The following KCNT2 variants were observed in gnomAD, a reference collection of about 807,000 sequenced individuals.
KCNT2 encodes the protein potassium sodium-activated channel subfamily T member 2, also known as potassium channel subfamily T member 2.
Under a neutral mutation model 153.8 loss-of-function variants are expected in KCNT2, and 67 were observed. That is an observed-to-expected ratio of 0.44 (90% CI 0.36 to 0.53). KCNT2 has a LOEUF of 0.53. Ranked by LOEUF, KCNT2 falls within the 20% of genes least tolerant of loss-of-function variation. KCNT2 has a pLI of 0.00. For synonymous variants in KCNT2, 500 were observed against 458.8 expected (o/e 1.09, Z -1.15); for missense variants, 975 against 1,354.8 (o/e 0.72, Z 4.40).
intron 26 of KCNT2, among the ~76,000 whole-genome samples, chr1:196,250,117 G>T (rs1216696764): frequency 6.6e-6 from 1 of 151,756 alleles, no homozygotes; most frequent in Non-Finnish European, 1.5e-5. Context: ...AATTTATATG[G>T]TACCACAAAG....
chr1:196,603,877 CAGG>C (rs1289726907), intron 1 of KCNT2, among the ~76,000 whole-genome samples: 2 of 152,180 alleles, frequency 1.3e-5, no homozygotes, highest in African/African-American at 4.8e-5. Context: ...CATGATGAAA[CAGG>C]AGAAGACTTG....
intron 1 of KCNT2, among the ~76,000 whole-genome samples, chr1:196,565,695 G>A (rs962824624): frequency 2.6e-5 from 4 of 151,376 alleles, no homozygotes; most frequent in African/African-American, 4.8e-5. Context: ...AGGACATGAT[G>A]TTAAGTGAAA....
chr1:196,414,156 CTAATAT>C (rs1341415536), intron 12 of KCNT2, among the ~76,000 whole-genome samples: 1 of 151,044 alleles, frequency 6.6e-6, no homozygotes, highest in African/African-American at 2.4e-5. Context: ...AAAGTTATGC[CTAATAT>C]TAACAATTCA....
chr1:196,282,130 A>G (rs1659169257), intron 24 of KCNT2, 143 bp downstream of exon 24: 1 of 477,374 alleles, frequency 2.1e-6, no homozygotes, highest in Non-Finnish European at 3.8e-6. Context: ...GAAATTTTTA[A>G]AGGAATTTTA....
rs1028575375 is a variant in KCNT2, at chr1:196,241,896, T to C, written c.3212-5826A>G. Among the ~76,000 whole-genome samples, 31 of 152,234 alleles carry C rather than the reference T, an allele frequency of 2.0e-4. 1 individual carries two copies. Among genetic ancestry groups the C allele is most frequent in the Middle Eastern group, 3.4e-3 (1 of 292 alleles). ...TTTCTTTTAAAAACCTATGTTACGT[T>C]TCATAAATGTTGAAAAACAAAAACC... On this transcript the variant is annotated intron_variant, in intron 26 of 27. Coordinates refer to ENST00000294725, the MANE Select transcript of KCNT2 (RefSeq NM_198503.5).
intron 1 of KCNT2, among the ~76,000 whole-genome samples, chr1:196,520,215 A>G (rs528704217): frequency 6.6e-6 from 1 of 152,284 alleles, no homozygotes; most frequent in East Asian, 1.9e-4. Context: ...CCACATGATC[A>G]TCTCAATAGA....
chr1:196,468,477 T>C (rs1457435192), intron 6 of KCNT2, among the ~76,000 whole-genome samples: 1 of 152,088 alleles, frequency 6.6e-6, no homozygotes, highest in Non-Finnish European at 1.5e-5. Flanking sequence ...TTTATGGGAC[T>C]GTAGTTGAAT....
chr1:196,385,699 A>G (rs1409234300), intron 13 of KCNT2, among the ~76,000 whole-genome samples: 2 of 151,842 alleles, frequency 1.3e-5, no homozygotes, highest in African/African-American at 4.8e-5. Flanking sequence ...AAAAGCACAC[A>G]TTCTGGAGAC....
At chr1:196,417,416 C>T (rs1478491239) in intron 12 of KCNT2, among the ~76,000 whole-genome samples, 1 of 152,048 alleles carries the variant, frequency 6.6e-6, no homozygotes, top group East Asian at 1.9e-4. Context: ...TCCAAAAAGA[C>T]AAGTTCCATA....
At chr1:196,266,604 T>C (rs1365358468) in intron 25 of KCNT2, among the ~76,000 whole-genome samples, 2 of 152,294 alleles carry the variant, frequency 1.3e-5, no homozygotes, top group Admixed American at 1.3e-4. Context: ...TCAATATAAG[T>C]AGTTAATAAG....
At chr1:196,577,552 C>T (rs1004348134) in intron 1 of KCNT2, among the ~76,000 whole-genome samples, 3 of 152,164 alleles carry the variant, frequency 2.0e-5, no homozygotes, top group Non-Finnish European at 4.4e-5. Flanking sequence ...ACTCAGCTGA[C>T]CCTTGATTAA....
At chr1:196,461,749 C>T (rs1232993411) in intron 8 of KCNT2, among the ~76,000 whole-genome samples, 2 of 151,562 alleles carry the variant, frequency 1.3e-5, no homozygotes, top group Admixed American at 6.6e-5. Flanking sequence ...ACAGATTAGT[C>T]CAATTCCATT....
chr1:196,407,555 G>A (rs191685760), intron 12 of KCNT2, among the ~76,000 whole-genome samples: 2 of 151,418 alleles, frequency 1.3e-5, no homozygotes, highest in East Asian at 3.9e-4. Context: ...CATTTCATTA[G>A]GGAATGACAT....
At chr1:196,322,398 T>G (rs1663410664) in intron 19 of KCNT2, among the ~76,000 whole-genome samples, 1 of 151,154 alleles carries the variant, frequency 6.6e-6, no homozygotes, top group African/African-American at 2.4e-5. Flanking sequence ...TATACATGAA[T>G]CGAAACAAAA....
intron 25 of KCNT2, among the ~76,000 whole-genome samples, chr1:196,265,113 A>C (rs749694617): frequency 2.6e-5 from 4 of 152,142 alleles, no homozygotes; most frequent in Non-Finnish European, 5.9e-5. Flanking sequence ...TCTCAACAGG[A>C]CTGGATTTGG....
chr1:196,579,280 A>G (rs1661736397), intron 1 of KCNT2, among the ~76,000 whole-genome samples: 1 of 152,108 alleles, frequency 6.6e-6, no homozygotes, highest in Non-Finnish European at 1.5e-5. Flanking sequence ...TGATGACAAC[A>G]GATGGACACA....
chr1:196,452,434 CT>C (rs2148623972), intron 8 of KCNT2, among the ~76,000 whole-genome samples: 1 of 152,084 alleles, frequency 6.6e-6, no homozygotes, highest in Admixed American at 6.6e-5. Context: ...ACTAAGCTCC[CT>C]ATTTCACTAA....
intron 25 of KCNT2, among the ~76,000 whole-genome samples, chr1:196,272,910 T>C (rs1658203204): frequency 6.6e-6 from 1 of 151,856 alleles, no homozygotes; most frequent in African/African-American, 2.4e-5. Flanking sequence ...AAGTACAGCA[T>C]GGTAACTACA....
chr1:196,261,292 G>T (rs995609951), intron 25 of KCNT2, among the ~76,000 whole-genome samples: 8 of 151,810 alleles, frequency 5.3e-5, no homozygotes, highest in African/African-American at 9.7e-5. Context: ...CCACTTACCA[G>T]TTTGCCTTCT....
Sources: allele counts gnomAD v4.1 joint callset (sites outside exome capture counted in the v4.1 genomes callset), GRCh38; gene constraint gnomAD v4.1.1; transcripts MANE v1.5; gene names NCBI Gene and HGNC (gene_info 2026-07-23, HGNC 2026-07-21).